The following ANKRD11 variants were observed in gnomAD, a reference collection of about 807,000 sequenced individuals.
The protein encoded by ANKRD11 is ankyrin repeat domain 11.
A neutral mutation model predicts 195.7 loss-of-function variants in ANKRD11; 17 were observed. The ratio of observed to expected loss-of-function variants is 0.09; its 90% CI spans 0.06 to 0.13. The LOEUF (loss-of-function observed/expected upper bound fraction) is 0.13, where lower values mean the gene tolerates loss of function less well. Ranked by LOEUF, ANKRD11 falls within the 10% of genes least tolerant of loss-of-function variation. The probability of loss-of-function intolerance (pLI) is 1.00; values close to 1 mark genes in which losing one functional copy is unlikely to be tolerated. For synonymous variants in ANKRD11, 1,953 were observed against 1,528.1 expected (o/e 1.28, Z -6.49); for missense variants, 3,735 against 3,566.1 (o/e 1.05, Z -1.21).
intron 1 of ANKRD11, among the ~76,000 whole-genome samples, chr16:89,458,391 A>AT (rs1378963190): frequency 1.3e-5 from 2 of 151,634 alleles, no homozygotes; most frequent in Non-Finnish European, 2.9e-5. Flanking sequence ...CGCCCGGCTA[A>AT]TTTTTTGTAT....
At chr16:89,316,788 C>T in intron 3 of ANKRD11, 145 bp downstream of exon 3, 1 of 980,534 alleles carries the variant, frequency 1.0e-6, no homozygotes, top group Non-Finnish European at 1.6e-6. Context: ...CACTCCTCAC[C>T]ACCCTCTCCA....
intron 2 of ANKRD11, chr16:89,323,308 G>A: frequency 7.8e-7 from 1 of 1,288,966 alleles, no homozygotes; most frequent in Middle Eastern, 2.1e-4. Flanking sequence ...CACACCCTAT[G>A]ACCCACAGCA....
chr16:89,415,896 G>A (rs564246754), intron 2 of ANKRD11, among the ~76,000 whole-genome samples: 1 of 146,552 alleles, frequency 6.8e-6, no homozygotes, highest in South Asian at 2.2e-4. Flanking sequence ...GCCCTCACAT[G>A]CCCATGTGGG....
At chr16:89,272,190 G>A (rs1016364760) in intron 11 of ANKRD11, 2 of 152,198 alleles carry the variant, frequency 1.3e-5, no homozygotes, top group Admixed American at 6.5e-5. Context: ...AAACTACCGT[G>A]AGACATCACT....
Position 89,283,607 on chromosome 16 carries a change from A to T in ANKRD11, c.2935T>A (p.Cys979Ser). Residue 979 changes from cysteine (C) to serine (S), a missense_variant, in exon 9 of 13, where the codon TGT (cysteine) becomes AGT (serine). By Grantham distance (112) the Cys-to-Ser change is moderately radical. Transcript: ENST00000301030. This position sits in a 1 kb window ranked among gnomAD's most constrained non-coding sequence, Gnocchi z 4.3. ...EEAHREELKE[C>S]GCESGFKDKS... ...TCCTTGAAGCCACTCTCGCAGCCAC[A>T]CTCCTTCAGCTCCTCCCGGTGCGCC... 6.2e-7 allele frequency: 1 copy of T among 1,608,918 alleles called. No homozygotes were observed. Among genetic ancestry groups the T allele is most frequent in the Non-Finnish European group, 8.5e-7 (1 of 1,179,702 alleles).
intron 2 of ANKRD11, among the ~76,000 whole-genome samples, chr16:89,345,709 G>A (rs2038908195): frequency 6.6e-6 from 1 of 152,218 alleles, no homozygotes; most frequent in Non-Finnish European, 1.5e-5. Context: ...CGAGCTGAGT[G>A]ATGTTTAATC....
chr16:89,382,528 T>A (rs1375922374), intron 2 of ANKRD11, among the ~76,000 whole-genome samples: 8 of 152,012 alleles, frequency 5.3e-5, no homozygotes, highest in Non-Finnish European at 8.8e-5. Context: ...GATTTCACCA[T>A]GTTGGCCAGG....
chr16:89,288,182 A>G, intron 7 of ANKRD11: 2 of 606,468 alleles, frequency 3.3e-6, no homozygotes, highest in Non-Finnish European at 5.9e-6. Context: ...TGCAGGTCTA[A>G]CAGTCCCACA....
At chr16:89,451,351 A>T (rs935242498) in intron 1 of ANKRD11, among the ~76,000 whole-genome samples, 1 of 151,504 alleles carries the variant, frequency 6.6e-6, no homozygotes, top group African/African-American at 2.4e-5. Flanking sequence ...GACAGGAGGG[A>T]TCTTACTGAA....
At chr16:89,484,208 G>A (rs1291232945) in intron 1 of ANKRD11, among the ~76,000 whole-genome samples, 2 of 152,126 alleles carry the variant, frequency 1.3e-5, no homozygotes, top group East Asian at 1.9e-4. Flanking sequence ...TGGTGCTCTG[G>A]GGTTTTTTTG....
chr16:89,355,911 C>T (rs1254622427), intron 2 of ANKRD11, among the ~76,000 whole-genome samples: 2 of 152,122 alleles, frequency 1.3e-5, no homozygotes, highest in Non-Finnish European at 2.9e-5. Context: ...CAGCACAGCT[C>T]GGGAGACCAG....
At chr16:89,436,433 C>A (rs764569352) in intron 1 of ANKRD11, among the ~76,000 whole-genome samples, 3 of 151,670 alleles carry the variant, frequency 2.0e-5, no homozygotes, top group Admixed American at 1.3e-4. Flanking sequence ...AAAGATAATC[C>A]AAGTTTCTCC....
chr16:89,268,695 G>A, intron 12 of ANKRD11, 32 bp from the exon 13 acceptor site: 1 of 1,562,238 alleles, frequency 6.4e-7, no homozygotes, highest in Non-Finnish European at 8.7e-7. Context: ...GAGGAGGGAG[G>A]AGGAGTGAAG....
chr16:89,487,655 T>A (rs140329963), intron 1 of ANKRD11, among the ~76,000 whole-genome samples: 2,565 of 151,890 alleles, frequency 0.017, 50 homozygotes, highest in African/African-American at 0.043. Flanking sequence ...GCGCCTGTAA[T>A]CCCAGCTACT....
intron 3 of ANKRD11, chr16:89,313,378 C>A (rs181809898): frequency 2.3e-6 from 3 of 1,287,994 alleles, no homozygotes; most frequent in Non-Finnish European, 3.0e-6. Context: ...GGCAGCTCAG[C>A]GGTTCTGGGA....
In ANKRD11 at chr16:89,291,119, C is replaced by G; in HGVS notation, c.291G>C (p.Leu97=). The G allele has an allele frequency of 6.2e-7, 1 of 1,614,004 alleles. No individual in the cohort carries two copies. Among genetic ancestry groups the G allele is most frequent in the Non-Finnish European group, 8.5e-7 (1 of 1,179,992 alleles). The stretch of plus-strand genomic sequence containing the variant: ...GGATTCCAGACAGCCCCATGCCAAA[C>G]AGCAGCCCGGCCTTCCGGGTGACAG... ...KEPVTRKAGL[L]FGMGLSGIRA... is the part of the protein sequence containing the mutation. The change falls in exon 5 of 13, where the codon CTG becomes CTC. Residue 97 remains leucine, a synonymous_variant. Transcript: ENST00000301030. The surrounding 1 kb of genome is among the most constrained non-coding windows in gnomAD (Gnocchi z 5.3).
chr16:89,328,413 C>A (rs2037849572), intron 2 of ANKRD11, among the ~76,000 whole-genome samples: 1 of 152,236 alleles, frequency 6.6e-6, no homozygotes, highest in Admixed American at 6.5e-5. Flanking sequence ...AGAACTTTCA[C>A]TGATAATAGA....
chr16:89,475,981 G>T (rs2057245366), intron 1 of ANKRD11, among the ~76,000 whole-genome samples: 1 of 151,854 alleles, frequency 6.6e-6, no homozygotes, highest in African/African-American at 2.4e-5. Context: ...GAAACCGGGA[G>T]GTGGAGGTTG....
Position 89,280,498 on chromosome 16 carries a change from T to A in ANKRD11, c.6044A>T (p.Tyr2015Phe), listed in dbSNP as rs770628197. 6.5e-7 allele frequency: 1 copy of A among 1,544,830 alleles called. No individual in the cohort carries two copies. The highest frequency in any genetic ancestry group is 8.7e-7 in the Non-Finnish European group (1 of 1,149,834). ...PGPFSASEAP[Y>F]PAPPASPAPY... ...GGCAGGAGAGGCGGGAGGGGCGGGG[T>A]ACGGCGCCTCCGAGGCGCTGAAGGG... Residue 2015 changes from tyrosine (Y) to phenylalanine (F), a missense_variant, in exon 9 of 13, where the codon TAC (tyrosine) becomes TTC (phenylalanine). Transcript: ENST00000301030.
Sources: gnomAD v4.1 joint callset for allele counts (sites outside exome capture counted in the v4.1 genomes callset) on GRCh38, gnomAD v4.1.1 for gene constraint, Gnocchi (gnomAD v3.1) non-coding constraint, MANE v1.5 for transcripts, NCBI Gene and HGNC (gene_info 2026-07-23, HGNC 2026-07-21) for gene names.